Variants in TDRD6 observed in about 807,000 individuals in gnomAD.
TDRD6 encodes the protein tudor domain containing 6, also known as tudor domain-containing protein 6.
In TDRD6, 186 loss-of-function variants were observed where a neutral mutation model predicts 157.5. The ratio of observed to expected loss-of-function variants is 1.18; its 90% confidence interval spans 1.05 to 1.33. The LOEUF is 1.33. Among genes scored for constraint, TDRD6 ranks in the 40% most tolerant of loss-of-function variants. The probability of loss-of-function intolerance (pLI) is 0.00; values close to 1 mark genes in which losing one functional copy is unlikely to be tolerated. For synonymous variants in TDRD6, 1,075 were observed against 945.2 expected (o/e 1.14, Z -2.52); for missense variants, 3,066 against 2,508.0 (o/e 1.22, Z -4.75).
upstream of TDRD6, among the ~76,000 whole-genome samples, chr6:46,686,597 G>A (rs1348599141): frequency 6.6e-6 from 1 of 151,882 alleles, no homozygotes; most frequent in Non-Finnish European, 1.5e-5. Context: ...CTTCCATAAT[G>A]AATATGAAAC....
In TDRD6 at chr6:46,703,396, T is replaced by C. The variant is rs765079709; in HGVS notation, c.*1509T>C. The C allele has an allele frequency of 5.9e-5, 9 of 152,102 alleles. No homozygotes were observed. Among genetic ancestry groups the C allele is most frequent in the Non-Finnish European group, 1.3e-4 (9 of 67,982 alleles). The allele number at this position is 152,102 out of a possible 1,614,324, so 9.4% of individuals were successfully genotyped here. A position where few individuals can be genotyped will look rare whatever the true frequency, so the allele number is the denominator to read the frequency against. On this transcript the variant is annotated 3_prime_UTR_variant, in exon 4 of 4. Coordinates refer to ENST00000316081, the MANE Select transcript of TDRD6 (RefSeq NM_001010870.3). ...GTTTGGCTTACTCATATAGATAATA[T>C]AATGTGAATTGCCAGAAGCAAAGCT...
In TDRD6 at chr6:46,695,837, C is replaced by T; in HGVS notation, c.6063C>T (p.Thr2021=). 6.2e-7 allele frequency: 1 copy of T among 1,613,442 alleles called. No individual in the cohort carries two copies. The highest frequency in any genetic ancestry group is 8.5e-7 in the Non-Finnish European group (1 of 1,179,640). ...PDHISAQLQN[T]YTLKAFTVGS... ...ATTTGGCAGCTCAACTACAGAACAC[C>T]TACACTCTGAAAGCCTTTACTGTTG... Residue 2021 remains threonine, a synonymous_variant, in exon 2 of 4, where the codon ACC becomes ACT. Transcript: ENST00000316081.
Position 46,688,447 on chromosome 6 carries a change from G to T in TDRD6, c.319G>T (p.Ala107Ser). 1 of 1,542,810 alleles carries T rather than the reference G, an allele frequency of 6.5e-7. No individual in the cohort carries two copies. The highest frequency in any genetic ancestry group is 8.7e-7 in the Non-Finnish European group (1 of 1,146,274). The change falls in exon 1 of 4, where the codon GCC (alanine) becomes TCC (serine). Residue 107 changes from alanine (A) to serine (S), a missense_variant. By Grantham distance (99) the Ala-to-Ser change is moderately conservative (BLOSUM62 1). Coordinates refer to ENST00000316081, the MANE Select transcript of TDRD6 (RefSeq NM_001010870.3). ...FLLDEGRTITAGAGSLAPGRR... is the reference protein window; with the variant it reads ...FLLDEGRTITSGAGSLAPGRR... ...GCTGGACGAGGGCCGCACCATCACGGCCGGAGCAGGCTCGCTGGCGCCTGG... is the reference window on the plus strand; with the variant it reads ...GCTGGACGAGGGCCGCACCATCACGTCCGGAGCAGGCTCGCTGGCGCCTGG...
Position 46,692,976 on chromosome 6 carries a change from A to G in TDRD6, c.4848A>G (p.Ala1616=). 6.2e-7 allele frequency: 1 copy of G among 1,612,570 alleles called. No individual in the cohort carries two copies. The highest frequency in any genetic ancestry group is 8.5e-7 in the Non-Finnish European group (1 of 1,179,104). ...TTGAAGACTGTGTGGACCCAAAAGC[A>G]CTCTGGGCCATTCCTTCTGAACTTC... The part of the protein sequence containing the change: ...GNIEDCVDPK[A]LWAIPSELLS... The change falls in exon 1 of 4, where the codon GCA becomes GCG. Residue 1616 remains alanine, a synonymous_variant. Transcript: ENST00000316081.
chr6:46,693,986 G>A lies in TDRD6; in HGVS notation c.5858G>A (p.Arg1953His), dbSNP rs756088733. 30 of 1,613,674 alleles carry A rather than the reference G, an allele frequency of 1.9e-5. No homozygotes were observed. The highest frequency in any genetic ancestry group is 1.2e-4 in the Admixed American group (7 of 59,944). ...TGTGTAGAATCTTTTGATGACCAGC[G>A]CAGGATGTCATTGCATCTACATGGA... Reference protein sequence around the residue: ...SSCVESFDDQRRMSLHLHGAD... With the variant: ...SSCVESFDDQHRMSLHLHGAD... Residue 1953 changes from arginine to histidine, a missense_variant, in exon 1 of 4, where the codon CGC becomes CAC. Arg to His is a conservative substitution (Grantham distance 29). Coordinates refer to ENST00000316081, the MANE Select transcript of TDRD6 (RefSeq NM_001010870.3).
chr6:46,690,091 A>G lies in TDRD6; in HGVS notation c.1963A>G (p.Asn655Asp), dbSNP rs780617899. Reference sequence around the variant, plus strand: ...TGACGAATCAAGAACAGGGGAAGAAAACATTAGTAAGGTAATTGCCCAAGC... The same window carrying G: ...TGACGAATCAAGAACAGGGGAAGAAGACATTAGTAAGGTAATTGCCCAAGC... ...ILDESRTGEE[N>D]ISKVIAQAGY... Residue 655 changes from asparagine to aspartate, a missense_variant, in exon 1 of 4, where the codon AAC becomes GAC. Transcript: ENST00000316081. 1.2e-6 allele frequency: 2 copies of G among 1,613,972 alleles called. No individual in the cohort carries two copies. The highest frequency in any genetic ancestry group is 1.7e-6 in the Non-Finnish European group (2 of 1,179,984).
At position 46,689,788 on chromosome 6, in the gene TDRD6, A is replaced by G; in HGVS notation, c.1660A>G (p.Arg554Gly). 1.9e-6 allele frequency: 3 copies of G among 1,614,212 alleles called. No homozygotes were observed. In the South Asian group the frequency reaches 3.3e-5, roughly 18 times the overall value. The change falls in exon 1 of 4, where the codon AGG becomes GGG. Residue 554 changes from arginine (R) to glycine (G), a missense_variant. Transcript: ENST00000316081. ...CAAGTGGAAAGAAAATGGTTATTAT[A>G]GGGCCATAGTCACCAAATTGGATGA... ...CVKWKENGYY[R>G]AIVTKLDDKS... is the part of the protein sequence containing the mutation.
At position 46,690,051 on chromosome 6, in the gene TDRD6, T is replaced by A. The variant is rs770797850; in HGVS notation, c.1923T>A (p.Tyr641Ter). 1.2e-6 allele frequency: 2 copies of A among 1,614,092 alleles called. No individual in the cohort carries two copies. The highest frequency in any genetic ancestry group is 1.7e-6 in the Non-Finnish European group (2 of 1,180,002). Residue 641 changes from tyrosine (Y) to a stop codon, truncating the protein, a stop_gained, in exon 1 of 4, where the codon TAT becomes TAA. Coordinates refer to ENST00000316081, the MANE Select transcript of TDRD6 (RefSeq NM_001010870.3). LOFTEE classifies it high-confidence loss of function. ...TTCTTGATAAACAGGATCATCAATA[T>A]GTTATTGAGATTCTTGACGAATCAA... ...IHILDKQDHQ[Y>*]VIEILDESRT...
intron 1 of TDRD6, among the ~76,000 whole-genome samples, chr6:46,694,413 G>A (rs1345500852): frequency 6.6e-6 from 1 of 151,920 alleles, no homozygotes. Context: ...TGTTATCCAG[G>A]TTGGTCTCAA....
rs552383174 is a variant in TDRD6 at position 46,703,812 on chromosome 6, A to C, written c.*1925A>C. 6.6e-6 allele frequency: 1 copy of C among 152,154 alleles called. No individual in the cohort carries two copies. Among genetic ancestry groups the C allele is most frequent in the Non-Finnish European group, 1.5e-5 (1 of 67,980 alleles). The allele number at this position is 152,154 out of a possible 1,614,324, so 9.4% of individuals were successfully genotyped here. On this transcript the variant is annotated 3_prime_UTR_variant, in exon 4 of 4. Transcript: ENST00000316081. The stretch of plus-strand genomic sequence containing the variant: ...CTTCACAGCCTTTGTGTGAGTAACT[A>C]ATGTATTCTAACTGGAATCCCTGCT...
At position 46,695,937 on chromosome 6, in the gene TDRD6, G is replaced by T; in HGVS notation, c.6163G>T (p.Gly2055Ter). 1 of 1,612,220 alleles carries T rather than the reference G, an allele frequency of 6.2e-7. No individual in the cohort carries two copies. The highest frequency in any genetic ancestry group is 1.3e-5 in the African/African-American group (1 of 74,926). ...TGAGATTTTAGAAACAGCTGAAGAA[G>T]GAACAAGGGTAAGTGATGTTTAAGT... is the stretch of plus-strand genomic sequence containing the variant. The part of the protein sequence containing the change: ...KCEILETAEE[G>*]TRVLNLSNGM... The change falls in exon 2 of 4, where the codon GGA becomes TGA. Residue 2055 changes from glycine to a stop codon, truncating the protein, a stop_gained. Transcript: ENST00000316081. LOFTEE classifies it high-confidence loss of function.
At position 46,689,683 on chromosome 6, in the gene TDRD6, AGAATGTGTGGTTTC is replaced by A; in HGVS notation, c.1556_1569del (p.Arg519IlefsTer6). The A allele has an allele frequency of 6.2e-7, 1 of 1,614,192 alleles. No individual in the cohort carries two copies. Among genetic ancestry groups the A allele is most frequent in the South Asian group, 1.1e-5 (1 of 91,078 alleles). On this transcript the variant is annotated frameshift_variant, in exon 1 of 4. Transcript: ENST00000316081. LOFTEE classifies it high-confidence loss of function. ...TGTCACCTTCAGTAAGCTGATGAGG[AGAATGTGTGGTTTC>A]TATTCCTCTGCCAGTAAGCTGGATG...
rs774925024 is a variant in TDRD6, at chr6:46,688,322, C to A, written c.194C>A (p.Ala65Asp). 5 of 1,522,278 alleles carry A rather than the reference C, an allele frequency of 3.3e-6. No individual in the cohort carries two copies. Among genetic ancestry groups the A allele is most frequent in the Non-Finnish European group, 3.5e-6 (4 of 1,140,020 alleles). 94.3% of individuals were successfully genotyped at this position (1,522,278 alleles called of 1,614,324 possible). ...CGCGGCCAGTGGGCGCTGGGCAGCG[C>A]CTCGGCCTCGCCCGGCGAGCTGTGC... ...ATRGQWALGS[A>D]SASPGELCLV... is the part of the protein sequence containing the mutation. The change falls in exon 1 of 4, where the codon GCC (alanine) becomes GAC (aspartate). Residue 65 changes from alanine (A) to aspartate (D), a missense_variant. By Grantham distance (126) the Ala-to-Asp change is moderately radical. Transcript: ENST00000316081.
In TDRD6 at chr6:46,691,312, G is replaced by T; in HGVS notation, c.3184G>T (p.Val1062Phe). 2 of 1,614,078 alleles carry T rather than the reference G, an allele frequency of 1.2e-6. No homozygotes were observed. The highest frequency in any genetic ancestry group is 1.7e-6 in the Non-Finnish European group (2 of 1,179,944). ...AGTAATAGAGAAAGAGCCAAAGAAAGTCTTCTTTGTTGATTTTGGGAATAT... is the reference window on the plus strand; with the variant it reads ...AGTAATAGAGAAAGAGCCAAAGAAATTCTTCTTTGTTGATTTTGGGAATAT... ...GIVIEKEPKK[V>F]FFVDFGNIYV... The change falls in exon 1 of 4, where the codon GTC (valine) becomes TTC (phenylalanine). Residue 1062 changes from valine (V) to phenylalanine (F), a missense_variant. Physicochemically the swap from Val to Phe is conservative, Grantham distance 50. Transcript: ENST00000316081.
In TDRD6 at chr6:46,687,945, G is replaced by A. The variant is rs1764150629; in HGVS notation, c.-184G>A. 3.2e-6 allele frequency: 3 copies of A among 936,328 alleles called. No homozygotes were observed. Among genetic ancestry groups the A allele is most frequent in the Non-Finnish European group, 4.4e-6 (3 of 676,320 alleles). 58.0% of individuals were successfully genotyped at this position (936,328 alleles called of 1,614,324 possible). On this transcript the variant is annotated 5_prime_UTR_variant, in exon 1 of 4. Coordinates refer to ENST00000316081, the MANE Select transcript of TDRD6 (RefSeq NM_001010870.3). The stretch of plus-strand genomic sequence containing the variant: ...CTACCGGGTCTTACCAGTCCGTGGC[G>A]GGAGTCCCGGAGGACCCTCGACGGG...
In TDRD6 at chr6:46,691,172, T is replaced by C. The variant is rs758431368; in HGVS notation, c.3044T>C (p.Leu1015Ser). 1.2e-6 allele frequency: 2 copies of C among 1,613,684 alleles called. No individual in the cohort carries two copies. The highest frequency in any genetic ancestry group is 2.2e-5 in the South Asian group (2 of 91,008). The change falls in exon 1 of 4, where the codon TTG (leucine) becomes TCG (serine). Residue 1015 changes from leucine (L) to serine (S), a missense_variant. Transcript: ENST00000316081. ...LARNANILEQ[L>S]SCSITQLSKV... ...AGAAATGCAAATATTTTAGAACAGT[T>C]GTCATGTAGTATTACACAATTAAGT...
the TDRD6 span, chr6:46,681,507 C>G: frequency 6.4e-6 from 3 of 470,336 alleles, no homozygotes; most frequent in African/African-American, 6.0e-5. Context: ...TCTTCTCTCC[C>G]CATACTTTAC....
Position 46,688,120 on chromosome 6 carries a change from G to C in TDRD6, c.-9G>C. 1 of 1,501,316 alleles carries C rather than the reference G, an allele frequency of 6.7e-7. No individual in the cohort carries two copies. 93.0% of individuals were successfully genotyped at this position (1,501,316 alleles called of 1,614,324 possible). On this transcript the variant is annotated 5_prime_UTR_variant, in exon 1 of 4. Coordinates refer to ENST00000316081, the MANE Select transcript of TDRD6 (RefSeq NM_001010870.3). ...TTTCCGGAAGTGGGGGCCGCGCCGC[G>C]CCGTCAAGATGTGCTCGACGCCCGG...
rs116782737 is a variant in TDRD6 at position 46,689,447 on chromosome 6, G to A, written c.1319G>A (p.Cys440Tyr). 256 of 1,613,386 alleles carry A rather than the reference G, an allele frequency of 1.6e-4. 1 individual carries two copies. The African/African-American group carries it at 2.2e-3, about 14-fold the overall frequency. ...AACCGTGTGTTTGGAGTACAGTCGT[G>A]TTGCTTGGCTGACCGAGTCCTTCAG... Reference protein sequence around the residue: ...NLNRVFGVQSCCLADRVLQSQ... With the variant: ...NLNRVFGVQSYCLADRVLQSQ... The change falls in exon 1 of 4, where the codon TGT becomes TAT. Residue 440 changes from cysteine to tyrosine, a missense_variant. Transcript: ENST00000316081.
Sources: allele counts gnomAD v4.1 joint callset (sites outside exome capture counted in the v4.1 genomes callset), GRCh38; gene constraint gnomAD v4.1.1; transcripts MANE v1.5; gene names NCBI Gene and HGNC (gene_info 2026-07-23, HGNC 2026-07-21).